The following PACRG variants were observed in gnomAD, a reference collection of about 807,000 sequenced individuals.
The protein encoded by PACRG is parkin coregulated, also known as parkin coregulated gene protein.
A neutral mutation model predicts 29.7 loss-of-function variants in PACRG; 29 were observed. The observed-to-expected ratio is 0.98, with a 90% CI of 0.73 to 1.33. The LOEUF (loss-of-function observed/expected upper bound fraction) is 1.33, where lower values mean the gene tolerates loss of function less well. Ranked by LOEUF, PACRG falls within the 40% of genes most tolerant of loss-of-function variation. PACRG has a pLI of 0.00. For missense variants in PACRG, 279 were observed against 316.2 expected (o/e 0.88, Z 0.89); for synonymous variants, 116 against 118.7 (o/e 0.98, Z 0.15).
intron 4 of PACRG, among the ~76,000 whole-genome samples, chr6:163,210,965 A>G (rs1387053174): frequency 6.6e-6 from 1 of 152,202 alleles, no homozygotes; most frequent in East Asian, 1.9e-4. Flanking sequence ...TTAAAATGGA[A>G]AAATGTCTTC....
At chr6:162,789,707 A>C (rs1337130203) in intron 1 of PACRG, among the ~76,000 whole-genome samples, 1 of 152,192 alleles carries the variant, frequency 6.6e-6, no homozygotes, top group Non-Finnish European at 1.5e-5. Flanking sequence ...GTATTGATTT[A>C]GACTGTTTTC....
In PACRG at chr6:163,006,883, A is replaced by T. The variant is rs569949482; in HGVS notation, c.292-55267A>T. The stretch of plus-strand genomic sequence containing the variant: ...AGCTTATAATGTTGGCTTCTCTTTT[A>T]TACAATCTGGCAATGTCTGCCTTTT... On this transcript the variant is annotated intron_variant, in intron 2 of 4. Transcript: ENST00000366888. Among the ~76,000 whole-genome samples the T allele has an allele frequency of 1.3e-4, 20 of 151,882 alleles. No individual in the cohort carries two copies. The East Asian group carries it at 3.7e-3, about 28-fold the overall frequency.
At chr6:163,166,209 A>G (rs1036775658) in intron 4 of PACRG, 2 of 456,162 alleles carry the variant, frequency 4.4e-6, no homozygotes, top group African/African-American at 4.0e-5. Flanking sequence ...GCAACACTGA[A>G]TCTGTCTTCT....
intron 4 of PACRG, among the ~76,000 whole-genome samples, chr6:163,172,174 A>G (rs891883254): frequency 6.6e-6 from 1 of 152,214 alleles, no homozygotes; most frequent in South Asian, 2.1e-4. Flanking sequence ...CTCTTGGTAT[A>G]TACTTAAAAC....
chr6:162,961,968 T>G (rs9458682), intron 2 of PACRG, among the ~76,000 whole-genome samples: 23,600 of 152,050 alleles, frequency 0.16, 3,190 homozygotes, highest in African/African-American at 0.36. Flanking sequence ...ATTATATATT[T>G]CTTGTGGTTC....
At chr6:163,222,113 T>C (rs1040885182) in intron 4 of PACRG, among the ~76,000 whole-genome samples, 1 of 151,796 alleles carries the variant, frequency 6.6e-6, no homozygotes, top group Non-Finnish European at 1.5e-5. Flanking sequence ...GTAAAGTATT[T>C]TGTAAACTTT....
chr6:163,247,324 G>A (rs529436621), intron 4 of PACRG, among the ~76,000 whole-genome samples: 21 of 152,084 alleles, frequency 1.4e-4, no homozygotes, highest in Admixed American at 2.6e-4. Context: ...CTGGAGGAGC[G>A]CTCCTTATGC....
chr6:162,787,586 ATATATATATATATATAT>A (rs1784599407), intron 1 of PACRG, among the ~76,000 whole-genome samples: 1 of 49,796 alleles, frequency 2.0e-5, no homozygotes, highest in African/African-American at 6.8e-5. Context: ...GTGTGTGTAT[ATATATATATATATATAT>A]ATATATATAT....
chr6:162,985,239 A>G (rs1465753684), intron 2 of PACRG, among the ~76,000 whole-genome samples: 1 of 152,050 alleles, frequency 6.6e-6, no homozygotes, highest in Non-Finnish European at 1.5e-5. Context: ...AAAACCAGGG[A>G]AGGACATTTA....
intron 2 of PACRG, among the ~76,000 whole-genome samples, chr6:162,924,188 A>G (rs1483595422): frequency 6.6e-6 from 1 of 151,748 alleles, no homozygotes; most frequent in Non-Finnish European, 1.5e-5. Flanking sequence ...TTTTTCAGTT[A>G]GTTTGTTTTT....
chr6:162,782,354 T>A (rs1584336842), intron 1 of PACRG, among the ~76,000 whole-genome samples: 1 of 152,010 alleles, frequency 6.6e-6, no homozygotes, highest in East Asian at 1.9e-4. Flanking sequence ...AGGCAATTAT[T>A]ATAACAAACA....
At chr6:163,019,704 T>C (rs1394021521) in intron 2 of PACRG, among the ~76,000 whole-genome samples, 1 of 152,212 alleles carries the variant, frequency 6.6e-6, no homozygotes, top group East Asian at 1.9e-4. Flanking sequence ...CATTGCCTTA[T>C]ATTTTAAGGA....
At chr6:163,105,559 A>G (rs892044782) in intron 4 of PACRG, among the ~76,000 whole-genome samples, 1 of 152,196 alleles carries the variant, frequency 6.6e-6, no homozygotes, top group Non-Finnish European at 1.5e-5. Context: ...AAATTTAAAA[A>G]GTGGCTATCG....
At chr6:163,123,699 A>G (rs1268008709) in intron 4 of PACRG, among the ~76,000 whole-genome samples, 4 of 152,142 alleles carry the variant, frequency 2.6e-5, no homozygotes, top group African/African-American at 7.2e-5. Context: ...TCTATTGTCT[A>G]CTTCTGTACA....
chr6:162,799,811 T>C (rs1785702731), intron 1 of PACRG, among the ~76,000 whole-genome samples: 1 of 152,228 alleles, frequency 6.6e-6, no homozygotes, highest in Admixed American at 6.5e-5. Flanking sequence ...AATAGTCTCT[T>C]AATAGATACA....
intron 4 of PACRG, among the ~76,000 whole-genome samples, chr6:163,103,448 C>T (rs796250089): frequency 5.3e-5 from 8 of 152,176 alleles, no homozygotes; most frequent in African/African-American, 1.4e-4. Flanking sequence ...TTCAAGGGCT[C>T]GTGTGATTCC....
intron 2 of PACRG, among the ~76,000 whole-genome samples, chr6:162,865,016 C>T (rs548260438): frequency 5.5e-4 from 84 of 152,214 alleles, no homozygotes; most frequent in South Asian, 2.5e-3. Context: ...TATAGCTGTT[C>T]GGAGTTTGCA....
chr6:163,168,005 T>A (rs1778895362), intron 4 of PACRG, among the ~76,000 whole-genome samples: 1 of 152,198 alleles, frequency 6.6e-6, no homozygotes, highest in Non-Finnish European at 1.5e-5. Context: ...TGCTGCGGTG[T>A]TTGTTTTATC....
chr6:163,044,170 CTT>C (rs368372180), intron 2 of PACRG, among the ~76,000 whole-genome samples: 20 of 139,872 alleles, frequency 1.4e-4, no homozygotes, highest in Admixed American at 1.4e-4. Flanking sequence ...AAACAGATGA[CTT>C]TTTTTTTTTT....
Sources: gnomAD v4.1 joint callset for allele counts (sites outside exome capture counted in the v4.1 genomes callset) on GRCh38, gnomAD v4.1.1 for gene constraint, MANE v1.5 for transcripts, NCBI Gene and HGNC (gene_info 2026-07-23, HGNC 2026-07-21) for gene names.